The following CPED1 variants were observed in gnomAD, a reference collection of about 807,000 sequenced individuals.
The protein encoded by CPED1 is cadherin-like and PC-esterase domain-containing protein 1.
A neutral mutation model predicts 128.2 loss-of-function variants in CPED1; 114 were observed. That is an observed-to-expected ratio of 0.89 (90% CI 0.76 to 1.04). The LOEUF (loss-of-function observed/expected upper bound fraction) is 1.04, where lower values mean the gene tolerates loss of function less well. Among genes scored for constraint, CPED1 ranks in the 50% least tolerant of loss-of-function variants. The pLI is 0.00. For missense variants in CPED1, 1,211 were observed against 1,207.1 expected, an observed-to-expected ratio of 1.00 and a Z score of -0.05; for synonymous variants, 462 against 426.7, an observed-to-expected ratio of 1.08 and a Z score of -1.02.
At chr7:121,202,057 C>T (rs1797412354) in intron 16 of CPED1, among the ~76,000 whole-genome samples, 1 of 152,106 alleles carries the variant, frequency 6.6e-6, no homozygotes, top group South Asian at 2.1e-4. Flanking sequence ...AATAATTTTT[C>T]CTATTCTAGA....
At chr7:120,999,517 T>G (rs1414531881) in intron 2 of CPED1, among the ~76,000 whole-genome samples, 2 of 152,210 alleles carry the variant, frequency 1.3e-5, no homozygotes, top group African/African-American at 4.8e-5. Flanking sequence ...GGAATTTCCA[T>G]TTTTAACAGA....
At chr7:121,203,959 A>G (rs986977615) in intron 16 of CPED1, among the ~76,000 whole-genome samples, 3 of 152,048 alleles carry the variant, frequency 2.0e-5, no homozygotes, top group Non-Finnish European at 4.4e-5. Context: ...CTTCTCCACT[A>G]TAGTGCCTGC....
intron 5 of CPED1, among the ~76,000 whole-genome samples, chr7:121,067,364 GT>G (rs1793861576): frequency 6.6e-6 from 1 of 151,948 alleles, no homozygotes; most frequent in Non-Finnish European, 1.5e-5. Context: ...AACATGTGGT[GT>G]TTGTTTTTTT....
At chr7:121,219,682 G>T (rs1267652542) in intron 16 of CPED1, among the ~76,000 whole-genome samples, 2 of 151,938 alleles carry the variant, frequency 1.3e-5, no homozygotes, top group East Asian at 3.9e-4. Flanking sequence ...TTCTATGATG[G>T]CTCATTACTA....
intron 13 of CPED1, 42 bp from the exon 14 acceptor site, chr7:121,135,998 T>G: frequency 7.2e-7 from 1 of 1,387,358 alleles, no homozygotes; most frequent in Non-Finnish European, 9.7e-7. Flanking sequence ...ACATTTTGAT[T>G]AATGGTTTTT....
intron 16 of CPED1, among the ~76,000 whole-genome samples, chr7:121,224,741 G>T (rs138911350): frequency 0.11 from 14,003 of 133,104 alleles, 822 homozygotes; most frequent in South Asian, 0.19. Flanking sequence ...TTTGATCTTT[G>T]TTGGTTTAAA....
chr7:121,219,197 G>A (rs995407263), intron 16 of CPED1, among the ~76,000 whole-genome samples: 4 of 152,030 alleles, frequency 2.6e-5, no homozygotes, highest in South Asian at 2.1e-4. Flanking sequence ...CCAAAAGTGC[G>A]AGAAACCACA....
chr7:121,176,162 G>T (rs1157796125), intron 16 of CPED1, among the ~76,000 whole-genome samples: 1 of 65,338 alleles, frequency 1.5e-5, no homozygotes, highest in Non-Finnish European at 3.0e-5. Context: ...AAAAACAATA[G>T]ACAAACAATA....
At chr7:121,073,341 G>A (rs1337811106) in intron 5 of CPED1, among the ~76,000 whole-genome samples, 3 of 152,136 alleles carry the variant, frequency 2.0e-5, no homozygotes, top group African/African-American at 7.2e-5. Context: ...TGGAAAAAGA[G>A]GAGGGTTTGG....
intron 4 of CPED1, among the ~76,000 whole-genome samples, chr7:121,052,884 A>T (rs948642024): frequency 6.6e-6 from 1 of 151,654 alleles, no homozygotes; most frequent in Non-Finnish European, 1.5e-5. Context: ...ACCACACCTA[A>T]TTTTTTTTAT....
At chr7:121,206,520 A>T (rs1000799467) in intron 16 of CPED1, among the ~76,000 whole-genome samples, 4 of 152,014 alleles carry the variant, frequency 2.6e-5, no homozygotes, top group African/African-American at 4.8e-5. Context: ...TACAAATAAT[A>T]CAAAATGTAT....
chr7:121,162,357 T>C (rs1237794471), intron 16 of CPED1, among the ~76,000 whole-genome samples: 1 of 152,212 alleles, frequency 6.6e-6, no homozygotes, highest in Non-Finnish European at 1.5e-5. Flanking sequence ...GTTTTACATA[T>C]TGATAACTAA....
Position 121,119,458 on chromosome 7 carries a change from C to G in CPED1, c.919-4873C>G, listed in dbSNP as rs190797674. Among the ~76,000 whole-genome samples, 563 of 150,866 alleles carry G rather than the reference C, an allele frequency of 3.7e-3. 2 individuals are homozygous for G. The highest frequency in any genetic ancestry group is 0.013 in the African/African-American group (519 of 41,206). ...GAGATTACAGAAGTGAGCCACTGCG[C>G]CCGGCCCCCAAAATTTTCATATATA... On this transcript the variant is annotated intron_variant, in intron 7 of 22. Transcript: ENST00000310396.
rs189791905 is a variant in CPED1, at chr7:121,025,610, A to C, written c.433+9762A>C. Reference sequence around the variant, plus strand: ...TGGTATGGGTTGGGAGTGTTCTTCCAAACCCTTTTCCCTCTTAACCTCCTG... The same window carrying C: ...TGGTATGGGTTGGGAGTGTTCTTCCCAACCCTTTTCCCTCTTAACCTCCTG... On this transcript the variant is annotated intron_variant, in intron 3 of 22. Transcript: ENST00000310396. Among the ~76,000 whole-genome samples, 345 of 152,210 alleles carry C rather than the reference A, an allele frequency of 2.3e-3. 1 individual carries two copies. The highest frequency in any genetic ancestry group is 8.0e-3 in the African/African-American group (334 of 41,534).
intron 5 of CPED1, among the ~76,000 whole-genome samples, chr7:121,070,341 T>G (rs1374237854): frequency 6.6e-6 from 1 of 151,972 alleles, no homozygotes; most frequent in Non-Finnish European, 1.5e-5. Flanking sequence ...TTCTCTGTGT[T>G]CTCAAATCCT....
chr7:121,193,891 G>A (rs1797202473), intron 16 of CPED1, among the ~76,000 whole-genome samples: 1 of 151,440 alleles, frequency 6.6e-6, no homozygotes, highest in African/African-American at 2.4e-5. Flanking sequence ...AAATAAATCA[G>A]AAGTATTTTC....
At chr7:121,070,153 TATAAA>T (rs1456552183) in intron 5 of CPED1, among the ~76,000 whole-genome samples, 2 of 150,020 alleles carry the variant, frequency 1.3e-5, no homozygotes, top group East Asian at 3.9e-4. Context: ...TACTACCAAA[TATAAA>T]ATATATCTTC....
At chr7:121,048,124 TA>T (rs768552342) in intron 4 of CPED1, among the ~76,000 whole-genome samples, 1 of 152,176 alleles carries the variant, frequency 6.6e-6, no homozygotes, top group Non-Finnish European at 1.5e-5. Flanking sequence ...CTGTGTTCCC[TA>T]ACTCCAATCC....
chr7:121,247,381 ATAG>A (rs1318298988), intron 18 of CPED1, among the ~76,000 whole-genome samples: 1 of 152,228 alleles, frequency 6.6e-6, no homozygotes, highest in Non-Finnish European at 1.5e-5. Context: ...TTTCAAGACA[ATAG>A]TAGAACAAAA....
Sources: allele counts gnomAD v4.1 joint callset (sites outside exome capture counted in the v4.1 genomes callset), GRCh38; gene constraint gnomAD v4.1.1; transcripts MANE v1.5; gene names NCBI Gene and HGNC (gene_info 2026-07-23, HGNC 2026-07-21).